AASS: variants seen among roughly 807,000 people sequenced by gnomAD.
AASS encodes alpha-aminoadipic semialdehyde synthase, mitochondrial.
Under a neutral mutation model 105.4 loss-of-function variants are expected in AASS, and 86 were observed. That is an observed-to-expected ratio of 0.82 (90% CI 0.69 to 0.98). The LOEUF (loss-of-function observed/expected upper bound fraction) is 0.98, where lower values mean the gene tolerates loss of function less well. Among genes scored for constraint, AASS ranks in the 50% least tolerant of loss-of-function variants. The pLI is 0.00. For synonymous variants in AASS, 381 were observed against 394.8 expected (o/e 0.96, Z 0.41); for missense variants, 1,048 against 1,143.2 (o/e 0.92, Z 1.20).
At chr7:122,115,683 T>C (rs1374980990) in intron 8 of AASS, among the ~76,000 whole-genome samples, 1 of 152,142 alleles carries the variant, frequency 6.6e-6, no homozygotes, top group Admixed American at 6.5e-5. Flanking sequence ...TCGGATAACA[T>C]CTGTAAGCTC....
At chr7:122,082,813 G>A (rs751518888) in intron 19 of AASS, 1 of 1,289,296 alleles carries the variant, frequency 7.8e-7, no homozygotes, top group South Asian at 1.2e-5. Context: ...TGGTTCAAGG[G>A]GAAGGAGTTA....
intron 15 of AASS, among the ~76,000 whole-genome samples, chr7:122,097,799 C>T (rs146072264): frequency 6.6e-6 from 1 of 151,868 alleles, no homozygotes; most frequent in East Asian, 1.9e-4. Context: ...ACATTAATAC[C>T]TTATGACCTG....
At chr7:122,120,211 A>G (rs1256145044) in intron 4 of AASS, among the ~76,000 whole-genome samples, 1 of 152,148 alleles carries the variant, frequency 6.6e-6, no homozygotes, top group African/African-American at 2.4e-5. Context: ...TTTGTATAAA[A>G]TATTGTATTT....
intron 11 of AASS, among the ~76,000 whole-genome samples, chr7:122,105,956 C>T (rs1794647059): frequency 6.6e-6 from 1 of 151,872 alleles, no homozygotes; most frequent in South Asian, 2.1e-4. Flanking sequence ...AAAAGGTAAA[C>T]AAAATCAACA....
intron 18 of AASS, among the ~76,000 whole-genome samples, chr7:122,088,463 T>G (rs1159975933): frequency 6.6e-6 from 1 of 152,062 alleles, no homozygotes; most frequent in Non-Finnish European, 1.5e-5. Context: ...CTGAACCCAG[T>G]TCTATTTGAC....
Position 122,076,422 on chromosome 7 carries a change from C to T in AASS, c.*67G>A. On this transcript the variant is annotated 3_prime_UTR_variant, in exon 24 of 24. Transcript: ENST00000417368. ...TACTTTAAAACAGCACATTAGCAAA[C>T]CCATTTATCACACACATGTTCAGAG... is the stretch of plus-strand genomic sequence containing the variant. 9.5e-7 allele frequency: 1 copy of T among 1,056,276 alleles called. No homozygotes were observed. Among genetic ancestry groups the T allele is most frequent in the Admixed American group, 1.7e-5 (1 of 59,332 alleles). 65.4% of individuals were successfully genotyped at this position (1,056,276 alleles called of 1,614,324 possible). A position where few individuals can be genotyped will look rare whatever the true frequency, so the allele number is the denominator to read the frequency against.
In AASS at chr7:122,079,706, G is replaced by A; in HGVS notation, c.2287C>T (p.Leu763Phe). 1 of 1,608,978 alleles carries A rather than the reference G, an allele frequency of 6.2e-7. No homozygotes were observed. Among genetic ancestry groups the A allele is most frequent in the South Asian group, 1.1e-5 (1 of 90,978 alleles). The change falls in exon 21 of 24, where the codon CTC (leucine) becomes TTC (phenylalanine). Residue 763 changes from leucine to phenylalanine, a missense_variant. By Grantham distance (22) the Leu-to-Phe change is conservative. Coordinates refer to ENST00000417368, the MANE Select transcript of AASS (RefSeq NM_005763.4). ...PEANPLTWKQLLCDLVGISPS... is the reference protein window; with the variant it reads ...PEANPLTWKQFLCDLVGISPS... ...GAAATCCCAACTAGGTCACAGAGGAGTTGTTTCTGGTTAGAAAAAGAAATA... is the reference window on the plus strand; with the variant it reads ...GAAATCCCAACTAGGTCACAGAGGAATTGTTTCTGGTTAGAAAAAGAAATA...
In AASS at chr7:122,079,716, G is replaced by A; in HGVS notation, c.2281-4C>T. ...CTAGGTCACAGAGGAGTTGTTTCTGGTTAGAAAAAGAAATACAATATTTCT... is the reference window on the plus strand; with the variant it reads ...CTAGGTCACAGAGGAGTTGTTTCTGATTAGAAAAAGAAATACAATATTTCT... On this transcript the variant is annotated splice_polypyrimidine_tract_variant and splice_region_variant and intron_variant, in intron 20 of 23. Coordinates refer to ENST00000417368, the MANE Select transcript of AASS (RefSeq NM_005763.4). 7.5e-6 allele frequency: 12 copies of A among 1,600,708 alleles called. No individual in the cohort carries two copies. Among genetic ancestry groups the A allele is most frequent in the Non-Finnish European group, 1.0e-5 (12 of 1,168,030 alleles).
Position 122,126,400 on chromosome 7 carries a change from T to C in AASS, c.447A>G (p.Ala149=), listed in dbSNP as rs1364254683. Residue 149 remains alanine (A), a synonymous_variant, in exon 4 of 24, where the codon GCA becomes GCG. Coordinates refer to ENST00000417368, the MANE Select transcript of AASS (RefSeq NM_005763.4). ...CTGCCACACCAGCCCACTGTCCAAA[T>C]GCCACTACCCGTACTCCTCTATGAT... ...MVDHRGVRVV[A]FGQWAGVAGM... is the part of the protein sequence containing the mutation. 3.1e-6 allele frequency: 5 copies of C among 1,613,924 alleles called. No individual in the cohort carries two copies. In the African/African-American group the frequency reaches 5.3e-5, roughly 17 times the overall value.
intron 1 of AASS, among the ~76,000 whole-genome samples, chr7:122,136,543 AC>A (rs960060628): frequency 1.3e-5 from 2 of 152,166 alleles, no homozygotes; most frequent in Non-Finnish European, 2.9e-5. Context: ...ATTGCATTAA[AC>A]TCAATCCCAA....
intron 3 of AASS, among the ~76,000 whole-genome samples, chr7:122,129,091 A>G (rs1043850720): frequency 1.3e-5 from 2 of 152,102 alleles, no homozygotes; most frequent in Admixed American, 6.5e-5. Flanking sequence ...AAAAAATCCC[A>G]TCTGAAAAAC....
chr7:122,141,952 T>C (rs1381465079), intron 1 of AASS, among the ~76,000 whole-genome samples: 1 of 152,216 alleles, frequency 6.6e-6, no homozygotes, highest in African/African-American at 2.4e-5. Context: ...CTCTGACTTA[T>C]GAATTTCTAG....
rs567897403 is a variant in AASS, at chr7:122,126,687, AC to A, written c.388-229del. On this transcript the variant is annotated intron_variant, in intron 3 of 23. Transcript: ENST00000417368. ...AAAAAATGTTTGTAGCAGGTGCTAT[AC>A]CCCCCTTGATGGTAAGCAATGAAAT... Among the ~76,000 whole-genome samples, 180 of 152,046 alleles carry A rather than the reference AC, an allele frequency of 1.2e-3. 1 individual carries two copies. The highest frequency in any genetic ancestry group is 1.6e-3 in the Non-Finnish European group (111 of 67,966).
intron 11 of AASS, among the ~76,000 whole-genome samples, chr7:122,102,795 T>A (rs1794489985): frequency 6.6e-6 from 1 of 151,744 alleles, no homozygotes; most frequent in East Asian, 1.9e-4. Flanking sequence ...TCACACAACA[T>A]CCAGAGCCTC....
intron 2 of AASS, among the ~76,000 whole-genome samples, chr7:122,131,939 A>G (rs1313791017): frequency 6.6e-6 from 1 of 152,298 alleles, no homozygotes; most frequent in African/African-American, 2.4e-5. Flanking sequence ...GATAATTCAG[A>G]CATTAAAAAG....
In AASS at chr7:122,118,288, G is replaced by A. The variant is rs1388528386; in HGVS notation, c.687+19C>T. Reference sequence around the variant, plus strand: ...AAAGTTTTGGATTGTTTTACAAAAGGAAGTCAGGTAAAAGTTACCTTAGAA... The same window carrying A: ...AAAGTTTTGGATTGTTTTACAAAAGAAAGTCAGGTAAAAGTTACCTTAGAA... On this transcript the variant is annotated intron_variant, in intron 6 of 23. Coordinates refer to ENST00000417368, the MANE Select transcript of AASS (RefSeq NM_005763.4). 2 of 1,613,366 alleles carry A rather than the reference G, an allele frequency of 1.2e-6. No homozygotes were observed. The highest frequency in any genetic ancestry group is 1.7e-6 in the Non-Finnish European group (2 of 1,179,928).
Position 122,101,400 on chromosome 7 carries a change from A to T in AASS, c.1377T>A (p.Tyr459Ter). Residue 459 changes from tyrosine (Y) to a stop codon, truncating the protein, a stop_gained, in exon 13 of 24, where the codon TAT (tyrosine) becomes TAA (stop). Coordinates refer to ENST00000417368, the MANE Select transcript of AASS (RefSeq NM_005763.4). LOFTEE classifies it high-confidence loss of function. ...ITSNGTLPDK[Y>*]KYIQTLRESR... ...TCTCCCGGAGTGTCTGGATATATTTATATTTATCAGGTAATGTACCGTTGG... is the reference window on the plus strand; with the variant it reads ...TCTCCCGGAGTGTCTGGATATATTTTTATTTATCAGGTAATGTACCGTTGG... 1 of 1,610,212 alleles carries T rather than the reference A, an allele frequency of 6.2e-7. No homozygotes were observed. The highest frequency in any genetic ancestry group is 8.5e-7 in the Non-Finnish European group (1 of 1,177,014).
At position 122,116,764 on chromosome 7, in the gene AASS, G is replaced by T. The variant is rs745523217; in HGVS notation, c.767-4C>A. ...GTCCCATACACTTTTCTGAGGTCTT[G>T]AAAAGGAGAAAGAAATTAGTAAAGT... On this transcript the variant is annotated splice_region_variant and splice_polypyrimidine_tract_variant and intron_variant, in intron 7 of 23. Transcript: ENST00000417368. 40 of 1,613,900 alleles carry T rather than the reference G, an allele frequency of 2.5e-5. No homozygotes were observed. In the Admixed American group the frequency reaches 5.3e-4, roughly 22 times the overall value.
At position 122,079,707 on chromosome 7, in the gene AASS, T is replaced by C. The variant is rs753213863; in HGVS notation, c.2286A>G (p.Gln762=). The change falls in exon 21 of 24, where the codon CAA becomes CAG. Residue 762 remains glutamine (Q), a synonymous_variant. Transcript: ENST00000417368. Reference sequence around the variant, plus strand: ...AAATCCCAACTAGGTCACAGAGGAGTTGTTTCTGGTTAGAAAAAGAAATAC... The same window carrying C: ...AAATCCCAACTAGGTCACAGAGGAGCTGTTTCTGGTTAGAAAAAGAAATAC... ...RPEANPLTWK[Q]LLCDLVGISP... is the part of the protein sequence containing the mutation. 1.9e-6 allele frequency: 3 copies of C among 1,609,084 alleles called. No homozygotes were observed. The highest frequency in any genetic ancestry group is 2.6e-6 in the Non-Finnish European group (3 of 1,175,826).
Sources: allele counts gnomAD v4.1 joint callset (sites outside exome capture counted in the v4.1 genomes callset), GRCh38; gene constraint gnomAD v4.1.1; transcripts MANE v1.5; gene names NCBI Gene and HGNC (gene_info 2026-07-23, HGNC 2026-07-21).